NCKAP1: variants seen among roughly 807,000 people sequenced by gnomAD.
NCKAP1 encodes the protein nck-associated protein 1.
Under a neutral mutation model 151.2 loss-of-function variants are expected in NCKAP1, and 21 were observed. The observed-to-expected ratio is 0.14, with a 90% CI of 0.10 to 0.20. NCKAP1 has a LOEUF of 0.20. Among genes scored for constraint, NCKAP1 ranks in the 10% least tolerant of loss-of-function variants. The pLI is 1.00. For missense variants in NCKAP1, 933 were observed against 1,352.1 expected, an observed-to-expected ratio of 0.69 and a Z score of 4.86; for synonymous variants, 484 against 451.8, an observed-to-expected ratio of 1.07 and a Z score of -0.90.
chr2:182,949,944 C>G (rs1158432594), intron 23 of NCKAP1, among the ~76,000 whole-genome samples: 2 of 152,200 alleles, frequency 1.3e-5, no homozygotes, highest in African/African-American at 2.4e-5. Context: ...AACAAATACA[C>G]TGCATGAGAG....
intron 26 of NCKAP1, among the ~76,000 whole-genome samples, chr2:182,933,975 T>A (rs1432781736): frequency 6.6e-6 from 1 of 152,136 alleles, no homozygotes; most frequent in Non-Finnish European, 1.5e-5. Flanking sequence ...CTCACAGAAG[T>A]CTGCCAACCT....
At chr2:183,022,324 C>A (rs1164228991) in intron 2 of NCKAP1, among the ~76,000 whole-genome samples, 1 of 152,136 alleles carries the variant, frequency 6.6e-6, no homozygotes, top group Admixed American at 6.6e-5. Context: ...ATAACAAAAT[C>A]TCTCTTTTAG....
rs1193200034 is a variant in NCKAP1 at position 182,994,769 on chromosome 2, T to C, written c.790+70A>G. ...ATGCTAAGCACAGAGGTAGTAACCA[T>C]GTCACCTGCTATTTTTCTCTAAAAC... On this transcript the variant is annotated intron_variant, in intron 8 of 30. Transcript: ENST00000361354. The C allele has an allele frequency of 3.2e-6, 4 of 1,260,556 alleles. No individual in the cohort carries two copies. The African/African-American group carries it at 5.9e-5, about 19-fold the overall frequency. 78.1% of individuals were successfully genotyped at this position (1,260,556 alleles called of 1,614,324 possible). A position where few individuals can be genotyped will look rare whatever the true frequency, so the allele number is the denominator to read the frequency against.
At chr2:183,034,594 C>T (rs1450244595) in intron 1 of NCKAP1, among the ~76,000 whole-genome samples, 1 of 152,110 alleles carries the variant, frequency 6.6e-6, no homozygotes, top group Non-Finnish European at 1.5e-5. Flanking sequence ...GGGTATTTGG[C>T]AGTTTTGTTG....
At chr2:182,949,619 T>C (rs1173485797) in intron 23 of NCKAP1, among the ~76,000 whole-genome samples, 3 of 152,112 alleles carry the variant, frequency 2.0e-5, no homozygotes, top group East Asian at 1.9e-4. Context: ...TTGGGCAATA[T>C]GGCGAAACCC....
intron 19 of NCKAP1, 24 bp from the exon 20 acceptor site, chr2:182,956,617 A>C (rs1446329000): frequency 6.3e-7 from 1 of 1,590,722 alleles, no homozygotes; most frequent in Non-Finnish European, 8.5e-7. Context: ...ATAAACAGTT[A>C]AAATGTTCAC....
At chr2:182,978,644 T>TAATTTTTTTTCCTGCTTA (rs1553514763) in intron 14 of NCKAP1, among the ~76,000 whole-genome samples, 190 bp downstream of exon 14, 5 of 152,144 alleles carry the variant, frequency 3.3e-5, no homozygotes, top group African/African-American at 1.2e-4. Context: ...TAATTAGAAA[T>TAATTTTTTTTCCTGCTTA]ATAAAACTGT....
In NCKAP1 at chr2:182,913,137, T is replaced by C. The variant is rs1401907445; in HGVS notation, c.*12565A>G. 6.6e-6 allele frequency: 1 copy of C among 152,212 alleles called. No individual in the cohort carries two copies. The highest frequency in any genetic ancestry group is 1.5e-5 in the Non-Finnish European group (1 of 68,044). 9.4% of individuals were successfully genotyped at this position (152,212 alleles called of 1,614,324 possible). On this transcript the variant is annotated 3_prime_UTR_variant, in exon 31 of 31. Transcript: ENST00000361354. The stretch of plus-strand genomic sequence containing the variant: ...CAAGATCAAACATGTAAAGTCTGTC[T>C]CCTCCACTATATTATAAGCTCTGTG...
At chr2:182,961,219 A>G (rs937799781) in intron 18 of NCKAP1, among the ~76,000 whole-genome samples, 1 of 152,324 alleles carries the variant, frequency 6.6e-6, no homozygotes, top group African/African-American at 2.4e-5. Context: ...TGACCCAGCC[A>G]TCCCATTACT....
At chr2:182,982,726 T>A (rs1697965412) in intron 12 of NCKAP1, 95 bp downstream of exon 12, 4 of 777,382 alleles carry the variant, frequency 5.1e-6, no homozygotes, top group Non-Finnish European at 8.0e-6. Context: ...TTAACAATAT[T>A]TTCAACTTAC....
chr2:182,976,964 A>T lies in NCKAP1; in HGVS notation c.1424-13T>A. On this transcript the variant is annotated splice_polypyrimidine_tract_variant and intron_variant, in intron 14 of 30. Transcript: ENST00000361354. ...TCCCCATCTTCAACTGTAGTAATAG[A>T]AAAAAAAAAAAGATTACAAAGCAAA... 1 of 540,482 alleles carries T rather than the reference A, an allele frequency of 1.9e-6. No individual in the cohort carries two copies. 33.5% of individuals were successfully genotyped at this position (540,482 alleles called of 1,614,324 possible).
chr2:182,935,107 G>C (rs187995647), intron 25 of NCKAP1, among the ~76,000 whole-genome samples, 186 bp downstream of exon 25: 1 of 152,252 alleles, frequency 6.6e-6, no homozygotes, highest in East Asian at 1.9e-4. Flanking sequence ...TACTCTGCAA[G>C]CAGCAGTACC....
At chr2:182,988,948 T>C (rs1698111281) in intron 9 of NCKAP1, 82 bp downstream of exon 9, 4 of 1,258,504 alleles carry the variant, frequency 3.2e-6, no homozygotes, top group Non-Finnish European at 3.4e-6. Context: ...GTGTGACTAC[T>C]CCTTTATCCC....
chr2:182,945,030 T>A (rs762308578), intron 23 of NCKAP1, among the ~76,000 whole-genome samples: 5 of 151,224 alleles, frequency 3.3e-5, no homozygotes, highest in Non-Finnish European at 7.4e-5. Flanking sequence ...AGGTCAGGAG[T>A]TTGAAACTAG....
intron 2 of NCKAP1, among the ~76,000 whole-genome samples, chr2:183,018,594 T>C (rs1430962864): frequency 6.6e-6 from 1 of 152,206 alleles, no homozygotes; most frequent in Non-Finnish European, 1.5e-5. Flanking sequence ...TCTTGCTCTA[T>C]TTCTGGGTGA....
At chr2:183,007,074 T>G (rs1040013919) in intron 2 of NCKAP1, among the ~76,000 whole-genome samples, 2 of 152,138 alleles carry the variant, frequency 1.3e-5, no homozygotes, top group Non-Finnish European at 2.9e-5. Flanking sequence ...GGTTTCACCG[T>G]GTCGGTCAGG....
rs1697978875 is a variant in NCKAP1 at position 182,983,295 on chromosome 2, T to C, written c.1092A>G (p.Leu364=). The C allele has an allele frequency of 1.9e-6, 3 of 1,604,716 alleles. No individual in the cohort carries two copies. Among genetic ancestry groups the C allele is most frequent in the Non-Finnish European group, 2.6e-6 (3 of 1,172,200 alleles). Residue 364 remains leucine (L), a synonymous_variant, in exon 11 of 31, where the codon CTA becomes CTG. Transcript: ENST00000361354. ...TAATTAAATGAATTACCTTGGGACC[T>C]AGCAATCCAGGTTGATCAGAGAGGA... ...ATVLSDQPGL[L]GPKALFVFMA...
At chr2:182,986,316 T>C in intron 9 of NCKAP1, 89 bp from the exon 10 acceptor site, 3 of 1,109,554 alleles carry the variant, frequency 2.7e-6, no homozygotes, top group Non-Finnish European at 1.3e-6. Context: ...CAATTAAAAA[T>C]GACATTATCA....
At chr2:183,014,703 T>C (rs1698651924) in intron 2 of NCKAP1, among the ~76,000 whole-genome samples, 1 of 152,206 alleles carries the variant, frequency 6.6e-6, no homozygotes, top group Admixed American at 6.5e-5. Context: ...TTTTCAATCT[T>C]GGCAATTAAC....
Sources: allele counts gnomAD v4.1 joint callset (sites outside exome capture counted in the v4.1 genomes callset), GRCh38; gene constraint gnomAD v4.1.1; transcripts MANE v1.5; gene names NCBI Gene and HGNC (gene_info 2026-07-23, HGNC 2026-07-21).